HIBCH: variants seen among roughly 807,000 people sequenced by gnomAD.
HIBCH encodes the protein 3-hydroxyisobutyryl-CoA hydrolase, mitochondrial.
A neutral mutation model predicts 58.2 loss-of-function variants in HIBCH; 50 were observed. The observed-to-expected ratio is 0.86, with a 90% CI of 0.68 to 1.09. The LOEUF is 1.09. HIBCH is among the 50% of genes least tolerant of loss of function. The pLI, the probability that HIBCH is intolerant of heterozygous loss-of-function variation, is 0.00. For synonymous variants in HIBCH, 151 were observed against 146.9 expected (o/e 1.03, Z -0.20); for missense variants, 450 against 449.7 (o/e 1.00, Z -0.01).
Position 190,246,191 on chromosome 2 carries a change from A to C in HIBCH, c.772T>G (p.Ser258Ala), listed in dbSNP as rs1273139867. The C allele has an allele frequency of 6.3e-7, 1 of 1,595,188 alleles. No individual in the cohort carries two copies. Among genetic ancestry groups the C allele is most frequent in the Admixed American group, 1.7e-5 (1 of 59,946 alleles). ...HTESKIDRDKSFILEEHMDKI... is the reference protein window; with the variant it reads ...HTESKIDRDKAFILEEHMDKI... Reference sequence around the variant, plus strand: ...TCCATGTGTTCCTCAAGTATAAAAGACTTGTCTCGATCAATCTTAGACTGT... The same window carrying C: ...TCCATGTGTTCCTCAAGTATAAAAGCCTTGTCTCGATCAATCTTAGACTGT... Residue 258 changes from serine to alanine, a missense_variant, in exon 10 of 14, where the codon TCT becomes GCT. Ser to Ala is a moderately conservative substitution (Grantham distance 99). Coordinates refer to ENST00000359678, the MANE Select transcript of HIBCH (RefSeq NM_014362.4).
intron 11 of HIBCH, among the ~76,000 whole-genome samples, chr2:190,229,333 T>C (rs1391023435): frequency 6.6e-6 from 1 of 152,138 alleles, no homozygotes; most frequent in Non-Finnish European, 1.5e-5. Context: ...GAAAACAAAT[T>C]GGCTTATCTC....
chr2:190,209,929 TTTAA>T lies in HIBCH; in HGVS notation c.1012-1020_1012-1017del, dbSNP rs1018409459. 9.2e-5 allele frequency among the ~76,000 whole-genome samples: 14 copies of T among 152,206 alleles called. No individual in the cohort carries two copies. Among genetic ancestry groups the T allele is most frequent in the African/African-American group, 3.4e-4 (14 of 41,450 alleles). On this transcript the variant is annotated intron_variant, in intron 12 of 13. Transcript: ENST00000359678. The surrounding 1 kb of genome is among the most constrained non-coding windows in gnomAD (Gnocchi z 5.6). ...ATTTATATATCCATCCTAGGATTAT[TTTAA>T]TCCACATCCAAGCACAGTGTCCGAC...
intron 1 of HIBCH, among the ~76,000 whole-genome samples, chr2:190,193,223 AT>A (rs144509424): frequency 0.027 from 4,138 of 151,874 alleles, 186 homozygotes; most frequent in African/African-American, 0.092. Context: ...TGATCATCTG[AT>A]TTTTTTTATG....
chr2:190,265,244 T>A lies in HIBCH; in HGVS notation c.439-4010A>T, dbSNP rs116641990. On this transcript the variant is annotated intron_variant, in intron 6 of 13. Transcript: ENST00000359678. The stretch of plus-strand genomic sequence containing the variant: ...CACTAGCTGTATATGAGTTTGCTGT[T>A]TCTACATCCTCACCAACACTTCAAG... Among the ~76,000 whole-genome samples, 1,020 of 152,188 alleles carry A rather than the reference T, an allele frequency of 6.7e-3. 12 individuals are homozygous for A. The highest frequency in any genetic ancestry group is 0.022 in the African/African-American group (926 of 41,498).
At chr2:190,270,056 G>C (rs191339395) in intron 6 of HIBCH, among the ~76,000 whole-genome samples, 1 of 152,020 alleles carries the variant, frequency 6.6e-6, no homozygotes, top group Non-Finnish European at 1.5e-5. Flanking sequence ...ATCACACACC[G>C]GGGCCTGTCG....
intron 6 of HIBCH, among the ~76,000 whole-genome samples, chr2:190,283,047 T>C (rs892116353): frequency 6.6e-6 from 1 of 152,210 alleles, no homozygotes; most frequent in African/African-American, 2.4e-5. Context: ...AAATCTGAAA[T>C]GCTCCAATGA....
At chr2:190,239,974 T>A (rs1686404061) in intron 11 of HIBCH, among the ~76,000 whole-genome samples, 1 of 152,136 alleles carries the variant, frequency 6.6e-6, no homozygotes, top group Non-Finnish European at 1.5e-5. Flanking sequence ...TATTGTTGTG[T>A]CTCTGCCAGG....
chr2:190,192,268 TG>T (rs939542227), intron 1 of HIBCH, among the ~76,000 whole-genome samples: 1 of 152,146 alleles, frequency 6.6e-6, no homozygotes, highest in African/African-American at 2.4e-5. Flanking sequence ...CATATTTTTA[TG>T]GGTGTATCTC....
At chr2:190,199,387 C>T (rs574335456), downstream of HIBCH, among the ~76,000 whole-genome samples, 36 of 152,072 alleles carry the variant, frequency 2.4e-4, no homozygotes, top group African/African-American at 8.4e-4. Context: ...TTTGCTAGCC[C>T]TTGGTATAGA....
chr2:190,243,388 C>T lies in HIBCH; in HGVS notation c.891+1499G>A, dbSNP rs570972552. On this transcript the variant is annotated intron_variant, in intron 11 of 13. Coordinates refer to ENST00000359678, the MANE Select transcript of HIBCH (RefSeq NM_014362.4). This position sits in a 1 kb window ranked among gnomAD's most constrained non-coding sequence, Gnocchi z 4.1. ...CCTACTGTGGGACCTTGTGATTGTG[C>T]AGGTTAATACTTAATAAACTCCCCT... Among the ~76,000 whole-genome samples, 1 of 152,228 alleles carries T rather than the reference C, an allele frequency of 6.6e-6. No individual in the cohort carries two copies. The highest frequency in any genetic ancestry group is 2.4e-5 in the African/African-American group (1 of 41,530).
rs1690551179 is a variant in HIBCH, at chr2:190,213,095, A to C, written c.892-20T>G. ...AATTACCTTTTGGAGGAAAAAATTTACTACTGTTAGTCCAATAGTTCCTTT... is the reference window on the plus strand; with the variant it reads ...AATTACCTTTTGGAGGAAAAAATTTCCTACTGTTAGTCCAATAGTTCCTTT... On this transcript the variant is annotated intron_variant, in intron 11 of 13. Transcript: ENST00000359678. 6.4e-7 allele frequency: 1 copy of C among 1,567,258 alleles called. No individual in the cohort carries two copies. The highest frequency in any genetic ancestry group is 1.4e-5 in the African/African-American group (1 of 74,062).
chr2:190,266,618 G>C (rs188071681), intron 6 of HIBCH, among the ~76,000 whole-genome samples: 414 of 152,142 alleles, frequency 2.7e-3, no homozygotes, highest in African/African-American at 9.6e-3. Context: ...ATTTTTAGTA[G>C]AGATGGGATT....
rs982653583 is a variant in HIBCH at position 190,262,163 on chromosome 2, C to CAAAAA, written c.439-934_439-930dup. On this transcript the variant is annotated intron_variant, in intron 6 of 13. Transcript: ENST00000359678. The stretch of plus-strand genomic sequence containing the variant: ...AAGCTGGTTTTATATGCGGTAGAGA[C>CAAAAA]AAAAAAAAAAAAAAGAAAAGAAAAG... Among the ~76,000 whole-genome samples, 663 of 91,350 alleles carry CAAAAA rather than the reference C, an allele frequency of 7.3e-3. 9 individuals are homozygous for CAAAAA. The highest frequency in any genetic ancestry group is 0.024 in the African/African-American group (616 of 25,664). 59.9% of individuals were successfully genotyped at this position (91,350 alleles called of 152,430 possible).
chr2:190,312,641 C>CT (rs980202092), intron 1 of HIBCH, among the ~76,000 whole-genome samples: 1 of 152,198 alleles, frequency 6.6e-6, no homozygotes, highest in African/African-American at 2.4e-5. Context: ...ATTTATATGA[C>CT]TTTTTTATAT....
In HIBCH at chr2:190,310,737, C is replaced by G. The variant is rs201205532; in HGVS notation, c.78+17G>C. On this transcript the variant is annotated intron_variant, in intron 2 of 13. Coordinates refer to ENST00000359678, the MANE Select transcript of HIBCH (RefSeq NM_014362.4). ...ACACATACAAATAATGCCAGCAAAA[C>G]AAACACAATAACTTACCAAATGGTG... 1.9e-6 allele frequency: 3 copies of G among 1,594,906 alleles called. No individual in the cohort carries two copies. The East Asian group carries it at 6.7e-5, about 36-fold the overall frequency.
downstream of HIBCH, chr2:190,199,634 C>T: frequency 2.0e-6 from 2 of 1,020,082 alleles, no homozygotes; most frequent in Non-Finnish European, 2.6e-6. Flanking sequence ...TTTTACATGC[C>T]ACTCAATCAT....
At chr2:190,238,331 C>A (rs1046610208) in intron 11 of HIBCH, among the ~76,000 whole-genome samples, 9 of 152,196 alleles carry the variant, frequency 5.9e-5, no homozygotes, top group Non-Finnish European at 1.2e-4. Context: ...TTGCCAGTAT[C>A]TGTTGTTTCC....
downstream of HIBCH, among the ~76,000 whole-genome samples, chr2:190,199,023 C>T (rs547455348): frequency 1.3e-5 from 2 of 152,234 alleles, no homozygotes; most frequent in South Asian, 2.1e-4. Context: ...TATATGTAAC[C>T]TATATTGTTT....
At position 190,246,155 on chromosome 2, in the gene HIBCH, T is replaced by C. The variant is rs188607586; in HGVS notation, c.808A>G (p.Ser270Gly). Residue 270 changes from serine to glycine, a missense_variant and splice_region_variant, in exon 10 of 14, where the codon AGT becomes GGT. Transcript: ENST00000359678. The stretch of plus-strand genomic sequence containing the variant: ...TAACTGAGATCTCTTTTTAGGTACC[T>C]GTTTATTTTGTCCATGTGTTCCTCA... ...ILEEHMDKIN[S>G]CFSANTVEEI... 8 of 1,550,906 alleles carry C rather than the reference T, an allele frequency of 5.2e-6. No individual in the cohort carries two copies. In the Admixed American group the frequency reaches 6.7e-5, roughly 13 times the overall value.
Sources: allele counts gnomAD v4.1 joint callset (sites outside exome capture counted in the v4.1 genomes callset), GRCh38; gene constraint gnomAD v4.1.1; non-coding constraint Gnocchi (gnomAD v3.1); transcripts MANE v1.5; gene names NCBI Gene and HGNC (gene_info 2026-07-23, HGNC 2026-07-21).